Variants in UTRN observed in about 807,000 individuals in gnomAD.
UTRN encodes dystrophin-related protein 1.
Under a neutral mutation model 463.9 loss-of-function variants are expected in UTRN, and 283 were observed. That is an observed-to-expected ratio of 0.61 (90% CI 0.55 to 0.67). The LOEUF is 0.67. Among genes scored for constraint, UTRN ranks in the 30% least tolerant of loss-of-function variants. The pLI, the probability that UTRN is intolerant of heterozygous loss-of-function variation, is 0.00. For synonymous variants in UTRN, 1,442 were observed against 1,431.5 expected, an observed-to-expected ratio of 1.01 and a Z score of -0.17; for missense variants, 3,922 against 4,084.3, an observed-to-expected ratio of 0.96 and a Z score of 1.08.
At chr6:144,691,406 T>C (rs1485961807) in intron 52 of UTRN, among the ~76,000 whole-genome samples, 1 of 152,246 alleles carries the variant, frequency 6.6e-6, no homozygotes, top group African/African-American at 2.4e-5. Flanking sequence ...CGTGAGCCAC[T>C]GCACCTGGCC....
chr6:144,546,531 T>G (rs1798420521), intron 46 of UTRN, among the ~76,000 whole-genome samples: 1 of 152,160 alleles, frequency 6.6e-6, no homozygotes, highest in African/African-American at 2.4e-5. Context: ...CTGGGCACAG[T>G]GAATCATGTC....
At chr6:144,816,687 A>G (rs1243300980) in intron 65 of UTRN, among the ~76,000 whole-genome samples, 1 of 149,680 alleles carries the variant, frequency 6.7e-6, no homozygotes, top group Non-Finnish European at 1.5e-5. Flanking sequence ...AATCTTTTTT[A>G]AGTAGCTGGG....
At chr6:144,543,329 C>T (rs1040585858) in intron 46 of UTRN, among the ~76,000 whole-genome samples, 2 of 152,238 alleles carry the variant, frequency 1.3e-5, no homozygotes, top group Non-Finnish European at 2.9e-5. Context: ...TATTTAGAAG[C>T]ATTCTCCAAC....
At chr6:144,473,112 A>G (rs1790839632) in intron 23 of UTRN, among the ~76,000 whole-genome samples, 1 of 152,114 alleles carries the variant, frequency 6.6e-6, no homozygotes, top group South Asian at 2.1e-4. Flanking sequence ...CCTTCTCTCT[A>G]AAGTCTCTTT....
chr6:144,545,623 C>T (rs1798331428), intron 46 of UTRN, among the ~76,000 whole-genome samples: 1 of 152,216 alleles, frequency 6.6e-6, no homozygotes, highest in African/African-American at 2.4e-5. Flanking sequence ...TCAGATATCC[C>T]TTTCTAGAAT....
chr6:144,494,532 G>C (rs1793397604), intron 33 of UTRN, among the ~76,000 whole-genome samples: 1 of 152,188 alleles, frequency 6.6e-6, no homozygotes, highest in Non-Finnish European at 1.5e-5. Flanking sequence ...GGACCCGAGC[G>C]GGTTGCCACT....
At chr6:144,312,423 C>CAA (rs59056805) in intron 2 of UTRN, among the ~76,000 whole-genome samples, 21 of 86,002 alleles carry the variant, frequency 2.4e-4, no homozygotes, top group African/African-American at 6.6e-4. Context: ...GACTCCATCT[C>CAA]AAAAAAAAAA....
At chr6:144,382,606 G>T (rs534729783) in intron 2 of UTRN, among the ~76,000 whole-genome samples, 1 of 152,190 alleles carries the variant, frequency 6.6e-6, no homozygotes, top group Non-Finnish European at 1.5e-5. Context: ...ATTGTTTAAG[G>T]GTTGCATTTT....
intron 51 of UTRN, among the ~76,000 whole-genome samples, chr6:144,612,666 A>C (rs1468158682): frequency 6.6e-6 from 1 of 152,132 alleles, no homozygotes; most frequent in African/African-American, 2.4e-5. Context: ...ACCTCACCCC[A>C]GTTAGAATGG....
At chr6:144,469,301 T>C (rs1480979019) in intron 23 of UTRN, among the ~76,000 whole-genome samples, 1 of 152,212 alleles carries the variant, frequency 6.6e-6, no homozygotes, top group Non-Finnish European at 1.5e-5. Context: ...GGTAACTCTT[T>C]TATGGTCTCA....
At chr6:144,585,007 G>C (rs1802325196) in intron 51 of UTRN, among the ~76,000 whole-genome samples, 1 of 151,766 alleles carries the variant, frequency 6.6e-6, no homozygotes, top group East Asian at 1.9e-4. Flanking sequence ...TTAAGAGCAG[G>C]GTCATTTTCC....
chr6:144,346,341 A>T (rs1436258426), intron 2 of UTRN, among the ~76,000 whole-genome samples: 1 of 152,168 alleles, frequency 6.6e-6, no homozygotes, highest in African/African-American at 2.4e-5. Flanking sequence ...TTTTAAAATT[A>T]AAATGTATTT....
At chr6:144,485,324 G>A in intron 27 of UTRN, 61 bp from the exon 28 acceptor site, 1 of 1,601,116 alleles carries the variant, frequency 6.2e-7, no homozygotes. Context: ...AGAATGTGTA[G>A]TACTAGAGAT....
intron 51 of UTRN, 106 bp downstream of exon 51, chr6:144,577,394 C>A: frequency 1.7e-6 from 2 of 1,171,158 alleles, no homozygotes; most frequent in Non-Finnish European, 1.2e-6. Flanking sequence ...TCACTTTATT[C>A]TCTTATGAAA....
At chr6:144,760,461 T>C (rs1235203518) in intron 58 of UTRN, among the ~76,000 whole-genome samples, 1 of 152,210 alleles carries the variant, frequency 6.6e-6, no homozygotes, top group Non-Finnish European at 1.5e-5. Flanking sequence ...TTTTAAGTCT[T>C]CCAAATTTTT....
At chr6:144,816,379 G>A (rs1441542438) in intron 65 of UTRN, among the ~76,000 whole-genome samples, 1 of 152,152 alleles carries the variant, frequency 6.6e-6, no homozygotes, top group African/African-American at 2.4e-5. Flanking sequence ...GAAGTTGATG[G>A]TAATAATGGA....
chr6:144,419,967 G>GAC lies in UTRN; in HGVS notation c.142-1907_142-1906dup, dbSNP rs1229356730. Among the ~76,000 whole-genome samples the GAC allele has an allele frequency of 6.8e-4, 43 of 63,510 alleles. No individual in the cohort carries two copies. The Admixed American group carries it at 8.0e-3, about 12-fold the overall frequency. 41.7% of individuals were successfully genotyped at this position (63,510 alleles called of 152,430 possible). ...AGGTACACACACTTGTGCGCACACA[G>GAC]ACACAGACACACACACACACACACA... On this transcript the variant is annotated intron_variant, in intron 3 of 74. Transcript: ENST00000367545.
chr6:144,399,236 T>C (rs1782720997), intron 2 of UTRN, among the ~76,000 whole-genome samples: 1 of 152,100 alleles, frequency 6.6e-6, no homozygotes, highest in Non-Finnish European at 1.5e-5. Context: ...TTAATAAATA[T>C]TGTTTGAATA....
At chr6:144,648,563 A>G (rs777811335) in intron 51 of UTRN, among the ~76,000 whole-genome samples, 1 of 152,224 alleles carries the variant, frequency 6.6e-6, no homozygotes, top group Admixed American at 6.5e-5. Context: ...AACGTTTTCT[A>G]TCATGAAGTT....
Sources: gnomAD v4.1 joint callset for allele counts (sites outside exome capture counted in the v4.1 genomes callset) on GRCh38, gnomAD v4.1.1 for gene constraint, MANE v1.5 for transcripts, NCBI Gene and HGNC (gene_info 2026-07-23, HGNC 2026-07-21) for gene names.